The following HSP90AA1 variants were observed in gnomAD, a reference collection of about 807,000 sequenced individuals.
HSP90AA1 encodes the protein heat shock protein 90 alpha family class A member 1, also known as heat shock protein HSP 90-alpha.
A neutral mutation model predicts 73.3 loss-of-function variants in HSP90AA1; 18 were observed. The observed-to-expected ratio is 0.25, with a 90% CI of 0.17 to 0.36. The LOEUF (loss-of-function observed/expected upper bound fraction) is 0.36. Ranked by LOEUF, HSP90AA1 falls within the 10% of genes least tolerant of loss-of-function variation. HSP90AA1 has a pLI of 1.00. For missense variants in HSP90AA1, 704 were observed against 874.2 expected (o/e 0.81, Z 2.45); for synonymous variants, 477 against 296.9 (o/e 1.61, Z -6.24).
Position 102,084,367 on chromosome 14 carries a change from T to C in HSP90AA1, c.1147+32A>G, listed in dbSNP as rs34543198. ...ACCCAGAAAGTACTTCTTTAATCAG[T>C]GACAGTGATTATTTTTCCTATCTAT... On this transcript the variant is annotated intron_variant, in intron 6 of 10. Transcript: ENST00000216281. 782 of 1,595,034 alleles carry C rather than the reference T, an allele frequency of 4.9e-4. 4 individuals are homozygous for C. In the African/African-American group the frequency reaches 9.4e-3, roughly 19 times the overall value.
At position 102,139,249 on chromosome 14, in the gene HSP90AA1, C is replaced by T. The variant is rs1210153159; in HGVS notation, c.155+1G>A. ...AGCGTAAATCTTGAGTCCCTTGGTA[C>T]CTTCTCAGAAACGGCGGCGAGGAGG... On this transcript the variant is annotated splice_donor_variant, in intron 1 of 11. Coordinates refer to the HSP90AA1 transcript ENST00000334701. LOFTEE classifies it high-confidence loss of function. 1 of 1,614,022 alleles carries T rather than the reference C, an allele frequency of 6.2e-7. No individual in the cohort carries two copies. Among genetic ancestry groups the T allele is most frequent in the East Asian group, 2.2e-5 (1 of 44,892 alleles).
At chr14:102,123,535 G>GT (rs2049804777) in intron 1 of HSP90AA1, among the ~76,000 whole-genome samples, 1 of 140,634 alleles carries the variant, frequency 7.1e-6, no homozygotes, top group African/African-American at 2.6e-5. Flanking sequence ...AAAACCTTGT[G>GT]GTTTTTTTTT....
At chr14:102,094,369 T>A (rs1157036806) in intron 2 of HSP90AA1, among the ~76,000 whole-genome samples, 2 of 152,220 alleles carry the variant, frequency 1.3e-5, no homozygotes, top group Non-Finnish European at 2.9e-5. Context: ...AGGCCCTGGG[T>A]CAAAGTGGGA....
At chr14:102,136,429 C>T (rs1378198390) in intron 1 of HSP90AA1, among the ~76,000 whole-genome samples, 4 of 151,440 alleles carry the variant, frequency 2.6e-5, no homozygotes, top group East Asian at 2.0e-4. Flanking sequence ...ATTGGCCAGG[C>T]CTGGTGGCAC....
chr14:102,086,605 C>T (rs1256834144), intron 1 of HSP90AA1, among the ~76,000 whole-genome samples: 1 of 151,860 alleles, frequency 6.6e-6, no homozygotes, highest in Non-Finnish European at 1.5e-5. Context: ...CGGGCCCAGT[C>T]CCCCGCCGCG....
At chr14:102,105,662 GTGT>G (rs1236903086) in intron 1 of HSP90AA1, among the ~76,000 whole-genome samples, 1 of 152,208 alleles carries the variant, frequency 6.6e-6, no homozygotes, top group Non-Finnish European at 1.5e-5. Flanking sequence ...CCAGTGGGGA[GTGT>G]GTTCTCTGTC....
At chr14:102,135,750 C>CCGGGTGCTAAGTCCCTCATTG (rs1289380699) in intron 1 of HSP90AA1, among the ~76,000 whole-genome samples, 10 of 152,266 alleles carry the variant, frequency 6.6e-5, no homozygotes, top group Non-Finnish European at 7.3e-5. Flanking sequence ...AGCCACTGGC[C>CCGGGTGCTAAGTCCCTCATTG]CGGGTGCTAA....
rs1436221466 is a variant in HSP90AA1 at position 102,080,859 on chromosome 14, C to G, written c.*853G>C. Reference sequence around the variant, plus strand: ...GGACGCAGGGGATGCATGTTGTCTGCATTCCTGTTTTCTGTGCCTACGTGT... The same window carrying G: ...GGACGCAGGGGATGCATGTTGTCTGGATTCCTGTTTTCTGTGCCTACGTGT... On this transcript the variant is annotated 3_prime_UTR_variant, in exon 11 of 11. Transcript: ENST00000216281. 4.4e-6 allele frequency: 1 copy of G among 228,110 alleles called. No homozygotes were observed. Among genetic ancestry groups the G allele is most frequent in the East Asian group, 6.2e-5 (1 of 16,062 alleles). 14.1% of individuals were successfully genotyped at this position (228,110 alleles called of 1,614,324 possible). A position where few individuals can be genotyped will look rare whatever the true frequency, so the allele number is the denominator to read the frequency against.
At chr14:102,103,657 AGCC>A (rs1268305728) in intron 1 of HSP90AA1, among the ~76,000 whole-genome samples, 2 of 152,036 alleles carry the variant, frequency 1.3e-5, no homozygotes, top group African/African-American at 4.8e-5. Flanking sequence ...ACAAAAAATT[AGCC>A]GGGTATGGCA....
chr14:102,091,573 C>T (rs560405014), upstream of HSP90AA1, among the ~76,000 whole-genome samples: 17 of 152,046 alleles, frequency 1.1e-4, no homozygotes, highest in South Asian at 3.5e-3. Context: ...CTGCAGTGAG[C>T]CGAGATTGCA....
intron 1 of HSP90AA1, among the ~76,000 whole-genome samples, chr14:102,130,179 G>A (rs1009727418): frequency 4.0e-5 from 6 of 151,372 alleles, no homozygotes; most frequent in African/African-American, 1.5e-4. Flanking sequence ...CCACGTTGGT[G>A]AGGCTGGTCT....
At position 102,085,981 on chromosome 14, in the gene HSP90AA1, G is replaced by A. The variant is rs763730752; in HGVS notation, c.306C>T (p.Asp102=). The part of the protein sequence containing the change: ...VDTGIGMTKA[D]LINNLGTIAK... The stretch of plus-strand genomic sequence containing the variant: ...CGATAGTACCAAGGTTATTGATCAA[G>A]TCAGCCTTGGTCATTCCAATTCCAG... The change falls in exon 3 of 11, where the codon GAC becomes GAT. Residue 102 remains aspartate (D), a synonymous_variant. Transcript: ENST00000216281. 2.5e-6 allele frequency: 4 copies of A among 1,613,964 alleles called. No homozygotes were observed. Among genetic ancestry groups the A allele is most frequent in the South Asian group, 2.2e-5 (2 of 91,084 alleles).
At chr14:102,114,780 G>C (rs1162408503) in intron 1 of HSP90AA1, among the ~76,000 whole-genome samples, 1 of 151,904 alleles carries the variant, frequency 6.6e-6, no homozygotes, top group Non-Finnish European at 1.5e-5. Context: ...CGGGCAGATC[G>C]CCTGAGGTCA....
chr14:102,139,397 G>T (rs756578586), exon 1 of HSP90AA1: 27 of 1,566,774 alleles, frequency 1.7e-5, no homozygotes, highest in Middle Eastern at 3.8e-4. Context: ...GCCCGAACAC[G>T]GGGGCATCCG....
Position 102,085,415 on chromosome 14 carries a change from A to C in HSP90AA1, c.546T>G (p.Arg182=). The C allele has an allele frequency of 6.2e-7, 1 of 1,613,232 alleles. No homozygotes were observed. Among genetic ancestry groups the C allele is most frequent in the South Asian group, 1.1e-5 (1 of 91,036 alleles). Residue 182 remains arginine (R), a synonymous_variant, in exon 4 of 11, where the codon CGT becomes CGG. Transcript: ENST00000216281. ...TCAGGTGTAGGATAACTTTTGTTCC[A>C]CGACCCATAGGTTCACCTGCAAGAG... is the stretch of plus-strand genomic sequence containing the variant. The part of the protein sequence containing the change: ...VRTDTGEPMG[R]GTKVILHLKE...
At position 102,137,442 on chromosome 14, in the gene HSP90AA1, C is replaced by T. The variant is rs531202745; in HGVS notation, c.155+1808G>A. On this transcript the variant is annotated intron_variant, in intron 1 of 11. Transcript: ENST00000334701. Reference sequence around the variant, plus strand: ...CCGGGTTCAAGCAATTCTCTTGCCTCAGCCTCCCGAGCAGCTGGGATTACA... The same window carrying T: ...CCGGGTTCAAGCAATTCTCTTGCCTTAGCCTCCCGAGCAGCTGGGATTACA... 4.6e-5 allele frequency among the ~76,000 whole-genome samples: 7 copies of T among 151,920 alleles called. No homozygotes were observed. In the East Asian group the frequency reaches 1.2e-3, roughly 26 times the overall value.
chr14:102,086,204 A>C lies in HSP90AA1; in HGVS notation c.162+13T>G, dbSNP rs764097814. 1 of 1,614,034 alleles carries C rather than the reference A, an allele frequency of 6.2e-7. No homozygotes were observed. The highest frequency in any genetic ancestry group is 8.5e-7 in the Non-Finnish European group (1 of 1,180,034). ...GAAACCAAAATCCGATTCTGGGTTA[A>C]TAAGTGACTTACATCTGATGAATTT... On this transcript the variant is annotated intron_variant, in intron 2 of 10. Transcript: ENST00000216281.
At chr14:102,106,537 ATTTTTTTTT>A (rs10562409) in intron 1 of HSP90AA1, among the ~76,000 whole-genome samples, 7 of 79,834 alleles carry the variant, frequency 8.8e-5, no homozygotes, top group Admixed American at 1.5e-4. Context: ...TGTTGAGCTA[ATTTTTTTTT>A]TTTTTTTTTT....
intron 2 of HSP90AA1, among the ~76,000 whole-genome samples, chr14:102,096,315 A>G (rs2049423504): frequency 1.3e-5 from 2 of 152,086 alleles, no homozygotes; most frequent in African/African-American, 2.4e-5. Context: ...CAGCAGCTCC[A>G]TTCTCTCGCC....
Sources: allele counts gnomAD v4.1 joint callset (sites outside exome capture counted in the v4.1 genomes callset), GRCh38; gene constraint gnomAD v4.1.1; transcripts MANE v1.5; gene names NCBI Gene and HGNC (gene_info 2026-07-23, HGNC 2026-07-21).